TLK1: variants seen among roughly 807,000 people sequenced by gnomAD.
TLK1 encodes tousled like kinase 1, also known as serine/threonine-protein kinase tousled-like 1.
TLK1 carries 24 observed loss-of-function variants against 105.3 expected under a neutral mutation model. The ratio of observed to expected loss-of-function variants is 0.23; its 90% CI spans 0.17 to 0.32. The LOEUF (loss-of-function observed/expected upper bound fraction) is 0.32. Among genes scored for constraint, TLK1 ranks in the 10% least tolerant of loss-of-function variants. TLK1 has a pLI of 1.00. For synonymous variants in TLK1, 321 were observed against 310.4 expected, an observed-to-expected ratio of 1.03 and a Z score of -0.36; for missense variants, 558 against 910.5, an observed-to-expected ratio of 0.61 and a Z score of 4.98.
In TLK1 at chr2:171,192,328, G is replaced by A. The variant is rs74448245; in HGVS notation, c.-6+38817C>T. On this transcript the variant is annotated intron_variant, in intron 1 of 20. Coordinates refer to the TLK1 transcript ENST00000521943. Reference sequence around the variant, plus strand: ...ACTGGTGTGAGCCACCGGGACTGACGATTATTATTTTCATAATACAAGTGG... The same window carrying A: ...ACTGGTGTGAGCCACCGGGACTGACAATTATTATTTTCATAATACAAGTGG... Among the ~76,000 whole-genome samples, 4 of 152,142 alleles carry A rather than the reference G, an allele frequency of 2.6e-5. No individual in the cohort carries two copies. In the East Asian group the frequency reaches 5.8e-4, roughly 22 times the overall value.
intron 1 of TLK1, among the ~76,000 whole-genome samples, chr2:171,155,062 G>A (rs1692182056): frequency 6.6e-6 from 1 of 152,102 alleles, no homozygotes; most frequent in Non-Finnish European, 1.5e-5. Flanking sequence ...TTATGTTCTA[G>A]TTATACTTAA....
intron 11 of TLK1, among the ~76,000 whole-genome samples, chr2:171,044,431 AGGTTTTATTT>A (rs1686842787): frequency 6.6e-6 from 1 of 152,188 alleles, no homozygotes; most frequent in Non-Finnish European, 1.5e-5. Flanking sequence ...AGTAAATACA[AGGTTTTATTT>A]GTTTTTAGTA....
chr2:171,102,386 T>G (rs2105506909), intron 2 of TLK1, among the ~76,000 whole-genome samples: 1 of 152,344 alleles, frequency 6.6e-6, no homozygotes, highest in Middle Eastern at 3.4e-3. Context: ...TAATGACTCC[T>G]CATTATGTAA....
intron 2 of TLK1, among the ~76,000 whole-genome samples, chr2:171,117,430 A>G (rs530685695): frequency 6.6e-6 from 1 of 152,290 alleles, no homozygotes; most frequent in Admixed American, 6.5e-5. Flanking sequence ...GCAGTTAGAA[A>G]CTGTGGATTA....
chr2:171,009,504 G>A lies in TLK1; in HGVS notation c.1416+1869C>T, dbSNP rs532158290. 5.9e-5 allele frequency among the ~76,000 whole-genome samples: 9 copies of A among 151,708 alleles called. No individual in the cohort carries two copies. In the South Asian group the frequency reaches 1.7e-3, roughly 28 times the overall value. On this transcript the variant is annotated intron_variant, in intron 14 of 20. Transcript: ENST00000431350. Reference sequence around the variant, plus strand: ...TTGTATTTTTAGTAGAAACGGGTTCGCCATGTTGCCCAGACTGGTCTTGAA... The same window carrying A: ...TTGTATTTTTAGTAGAAACGGGTTCACCATGTTGCCCAGACTGGTCTTGAA...
intron 1 of TLK1, among the ~76,000 whole-genome samples, chr2:171,194,628 T>C (rs952516747): frequency 3.3e-5 from 5 of 151,836 alleles, no homozygotes; most frequent in Admixed American, 6.6e-5. Flanking sequence ...CCATCCTGGC[T>C]AACACGGTGA....
intron 1 of TLK1, among the ~76,000 whole-genome samples, chr2:171,199,011 C>G (rs56051107): frequency 1.3e-5 from 2 of 152,124 alleles, no homozygotes; most frequent in Non-Finnish European, 2.9e-5. Flanking sequence ...CAATAAGTTT[C>G]TAATGAAAGA....
At chr2:171,011,877 T>C (rs1259620188) in intron 13 of TLK1, among the ~76,000 whole-genome samples, 1 of 152,182 alleles carries the variant, frequency 6.6e-6, no homozygotes, top group East Asian at 1.9e-4. Flanking sequence ...CCTTCATCAT[T>C]AAATTTTACT....
chr2:171,113,533 A>G (rs1001034594), intron 2 of TLK1, among the ~76,000 whole-genome samples: 4 of 152,182 alleles, frequency 2.6e-5, no homozygotes, highest in Non-Finnish European at 4.4e-5. Context: ...TCGGCCTCCC[A>G]AAGTGCTGGG....
chr2:171,081,875 A>G (rs1688769245), intron 3 of TLK1, among the ~76,000 whole-genome samples: 2 of 152,232 alleles, frequency 1.3e-5, no homozygotes. Flanking sequence ...TCCTCTGAAC[A>G]GTGAAACAAA....
At chr2:171,084,071 T>C (rs1426757081) in intron 2 of TLK1, among the ~76,000 whole-genome samples, 4 of 152,116 alleles carry the variant, frequency 2.6e-5, no homozygotes, top group African/African-American at 7.2e-5. Context: ...AGAATCTCCA[T>C]GAATCCCCCT....
intron 12 of TLK1, chr2:171,022,980 T>G (rs1685597794): frequency 2.2e-6 from 1 of 449,386 alleles, no homozygotes; most frequent in Non-Finnish European, 4.6e-6. Context: ...AGAAAAGAGC[T>G]GTGTACTTGT....
intron 1 of TLK1, among the ~76,000 whole-genome samples, chr2:171,172,815 G>A (rs1692755293): frequency 6.6e-6 from 1 of 152,122 alleles, no homozygotes; most frequent in Admixed American, 6.5e-5. Flanking sequence ...AGAACTGTGG[G>A]CCAATTAAAC....
chr2:171,182,547 C>T (rs546014844), intron 1 of TLK1, among the ~76,000 whole-genome samples: 10 of 152,210 alleles, frequency 6.6e-5, no homozygotes, highest in Middle Eastern at 3.4e-3. Context: ...TACTGAAGAA[C>T]TATTTCAGGG....
chr2:171,062,573 C>T (rs1390680719), intron 3 of TLK1, among the ~76,000 whole-genome samples: 1 of 152,178 alleles, frequency 6.6e-6, no homozygotes, highest in African/African-American at 2.4e-5. Flanking sequence ...CTCCCTATCT[C>T]ACCCTCTTAC....
At chr2:171,190,554 A>G (rs1443579836) in intron 1 of TLK1, among the ~76,000 whole-genome samples, 3 of 152,240 alleles carry the variant, frequency 2.0e-5, no homozygotes, top group Non-Finnish European at 4.4e-5. Context: ...TTTCCAACTT[A>G]TGATGCTGAA....
intron 1 of TLK1, among the ~76,000 whole-genome samples, chr2:171,217,895 G>A (rs930692313): frequency 1.3e-5 from 2 of 152,140 alleles, no homozygotes; most frequent in African/African-American, 4.8e-5. Context: ...ACAAAGATGG[G>A]GAAGAATACC....
At chr2:171,107,532 C>G (rs1220947518) in intron 2 of TLK1, among the ~76,000 whole-genome samples, 1 of 152,106 alleles carries the variant, frequency 6.6e-6, no homozygotes, top group Non-Finnish European at 1.5e-5. Context: ...GCATAACTAG[C>G]ACCTAGATGT....
intron 3 of TLK1, chr2:171,081,537 T>C (rs1359752221): frequency 1.6e-6 from 1 of 626,312 alleles, no homozygotes; most frequent in Non-Finnish European, 2.3e-6. Flanking sequence ...TAAAAAACTT[T>C]GACTAGAGCT....
Sources: allele counts gnomAD v4.1 joint callset (sites outside exome capture counted in the v4.1 genomes callset), GRCh38; gene constraint gnomAD v4.1.1; transcripts MANE v1.5; gene names NCBI Gene and HGNC (gene_info 2026-07-23, HGNC 2026-07-21).